ART1: variants seen among roughly 807,000 people sequenced by gnomAD.
ART1 encodes the protein GPI-linked NAD(P)(+)--arginine ADP-ribosyltransferase 1.
In ART1, 29 loss-of-function variants were observed where a neutral mutation model predicts 27.0. The observed-to-expected ratio is 1.08, with a 90% CI of 0.80 to 1.47. The LOEUF is 1.47. Among genes scored for constraint, ART1 ranks in the 40% most tolerant of loss-of-function variants. The pLI, the probability that ART1 is intolerant of heterozygous loss-of-function variation, is 0.00. For synonymous variants in ART1, 201 were observed against 172.2 expected (o/e 1.17, Z -1.31); for missense variants, 480 against 423.0 (o/e 1.13, Z -1.18).
At chr11:3,655,130 G>C (rs1030701195) in intron 1 of ART1, among the ~76,000 whole-genome samples, 1 of 152,172 alleles carries the variant, frequency 6.6e-6, no homozygotes, top group Non-Finnish European at 1.5e-5. Flanking sequence ...GCTCAGCTGG[G>C]GTCTTCCTTG....
chr11:3,659,486 C>CT (rs879467858), intron 2 of ART1, 97 bp from the exon 3 acceptor site: 23 of 1,446,882 alleles, frequency 1.6e-5, no homozygotes, highest in Admixed American at 6.6e-5. Flanking sequence ...GTTTGGGGCC[C>CT]TTCCTGCCTT....
intron 1 of ART1, among the ~76,000 whole-genome samples, chr11:3,657,696 G>A (rs1187218184): frequency 6.6e-6 from 1 of 152,186 alleles, no homozygotes; most frequent in Non-Finnish European, 1.5e-5. Context: ...ATTGTTGGTG[G>A]GGTGGCAGTT....
rs565595628 is a variant in ART1 at position 3,652,134 on chromosome 11, TG to T, written c.-53+6956del. ...TCCCTACACATCAAGCTCGAGGATT[TG>T]CCCCCACCCAGGACGGGCAAATTAG... On this transcript the variant is annotated intron_variant, in intron 1 of 4. Transcript: ENST00000250693. Among the ~76,000 whole-genome samples, 1,154 of 150,718 alleles carry T rather than the reference TG, an allele frequency of 7.7e-3. 9 individuals are homozygous for T. The highest frequency in any genetic ancestry group is 0.015 in the Admixed American group (228 of 15,200).
rs770182602 is a variant in ART1, at chr11:3,660,237, G to A, written c.718G>A (p.Glu240Lys). ...CTACTCCTTCTTCCCTGGAGAGGAA[G>A]AGGTGCTGATCCCCCCCTTTGAGAC... is the stretch of plus-strand genomic sequence containing the variant. ...KGYSFFPGEE[E>K]VLIPPFETFQ... Residue 240 changes from glutamate to lysine, a missense_variant, in exon 3 of 5, where the codon GAG (glutamate) becomes AAG (lysine). Transcript: ENST00000250693. 5.6e-6 allele frequency: 9 copies of A among 1,613,792 alleles called. No homozygotes were observed. The highest frequency in any genetic ancestry group is 7.6e-6 in the Non-Finnish European group (9 of 1,180,054).
intron 1 of ART1, among the ~76,000 whole-genome samples, chr11:3,650,271 C>T (rs891579610): frequency 5.9e-5 from 9 of 152,290 alleles, no homozygotes; most frequent in Non-Finnish European, 1.2e-4. Context: ...CCTCCTAAGC[C>T]GTATCCCATC....
rs78903199 is a variant in ART1, at chr11:3,655,238, C to G, written c.-52-3924C>G. Among the ~76,000 whole-genome samples, 698 of 152,240 alleles carry G rather than the reference C, an allele frequency of 4.6e-3. 5 individuals are homozygous for G. Among genetic ancestry groups the G allele is most frequent in the Middle Eastern group, 0.027 (8 of 294 alleles). On this transcript the variant is annotated intron_variant, in intron 1 of 4. Transcript: ENST00000250693. ...GAAAAGACTCTCAGTTTCCTTCCCCCAAAAGCAGACCCACAGACAAGTACA... is the reference window on the plus strand; with the variant it reads ...GAAAAGACTCTCAGTTTCCTTCCCCGAAAAGCAGACCCACAGACAAGTACA...
At chr11:3,655,032 A>T (rs1264076154) in intron 1 of ART1, among the ~76,000 whole-genome samples, 1 of 152,102 alleles carries the variant, frequency 6.6e-6, no homozygotes, top group Admixed American at 6.6e-5. Context: ...ACAAACATTT[A>T]CTCCCAGGCT....
rs1397587297 is a variant in ART1 at position 3,659,608 on chromosome 11, G to A, written c.89G>A (p.Arg30Gln). Reference protein sequence around the residue: ...LQAQSHPITRRDLFSQEIQLD... With the variant: ...LQAQSHPITRQDLFSQEIQLD... ...GCCCAGAGCCACCCCATCACACGAC[G>A]AGACCTCTTCTCTCAAGAGATTCAG... Residue 30 changes from arginine (R) to glutamine (Q), a missense_variant, in exon 3 of 5, where the codon CGA becomes CAA. Transcript: ENST00000250693. The A allele has an allele frequency of 1.7e-5, 28 of 1,609,046 alleles. No individual in the cohort carries two copies. Among genetic ancestry groups the A allele is most frequent in the Non-Finnish European group, 2.3e-5 (27 of 1,178,400 alleles).
Position 3,659,790 on chromosome 11 carries a change from G to A in ART1, c.271G>A (p.Ala91Thr). Residue 91 changes from alanine (A) to threonine (T), a missense_variant, in exon 3 of 5, where the codon GCC (alanine) becomes ACC (threonine). Ala to Thr is a moderately conservative substitution (Grantham distance 58, BLOSUM62 0). Coordinates refer to ENST00000250693, the MANE Select transcript of ART1 (RefSeq NM_004314.3). ...LASSQWQERQ[A>T]RWPEWSLSPT... The stretch of plus-strand genomic sequence containing the variant: ...AAGCAGCCAATGGCAGGAGCGTCAG[G>A]CCAGGTGGCCAGAGTGGAGTCTCAG... 1 of 1,613,038 alleles carries A rather than the reference G, an allele frequency of 6.2e-7. No homozygotes were observed. Among genetic ancestry groups the A allele is most frequent in the African/African-American group, 1.3e-5 (1 of 75,058 alleles).
In ART1 at chr11:3,660,155, G is replaced by T. The variant is rs759834685; in HGVS notation, c.636G>T (p.Gln212His). Reference sequence around the variant, plus strand: ...CCCTGAAGCATGTTGCAGCCCAGCAGTTTGGTGAGGACACCTTCTTCGGCA... The same window carrying T: ...CCCTGAAGCATGTTGCAGCCCAGCATTTTGGTGAGGACACCTTCTTCGGCA... ...SASLKHVAAQ[Q>H]FGEDTFFGIW... Residue 212 changes from glutamine to histidine, a missense_variant, in exon 3 of 5, where the codon CAG (glutamine) becomes CAT (histidine). Coordinates refer to ENST00000250693, the MANE Select transcript of ART1 (RefSeq NM_004314.3). 1 of 1,614,022 alleles carries T rather than the reference G, an allele frequency of 6.2e-7. No homozygotes were observed. The highest frequency in any genetic ancestry group is 2.2e-5 in the East Asian group (1 of 44,866).
Position 3,659,750 on chromosome 11 carries a change from C to T in ART1, c.231C>T (p.Asp77=), listed in dbSNP as rs143825729. 1.1e-4 allele frequency: 180 copies of T among 1,613,878 alleles called. 2 individuals carry two copies. The African/African-American group carries it at 2.3e-3, about 20-fold the overall frequency. Residue 77 remains aspartate, a synonymous_variant, in exon 3 of 5, where the codon GAC becomes GAT. Transcript: ENST00000250693. ...TCCAGGCCAACCAGGTGTATGCAGACAGCTGGACACTGGCAAGCAGCCAAT... is the reference window on the plus strand; with the variant it reads ...TCCAGGCCAACCAGGTGTATGCAGATAGCTGGACACTGGCAAGCAGCCAAT... ...TEFQANQVYA[D]SWTLASSQWQ... is the part of the protein sequence containing the mutation.
At chr11:3,661,493 T>C in intron 4 of ART1, 80 bp downstream of exon 4, 1 of 789,540 alleles carries the variant, frequency 1.3e-6, no homozygotes, top group African/African-American at 2.9e-5. Context: ...CCTCGATCTT[T>C]TTTTTTTTTT....
At chr11:3,656,516 G>A (rs1038453882) in intron 1 of ART1, among the ~76,000 whole-genome samples, 2 of 152,032 alleles carry the variant, frequency 1.3e-5, no homozygotes, top group African/African-American at 4.8e-5. Flanking sequence ...CCGAGTAGCT[G>A]GGATTATAGG....
chr11:3,662,876 A>C (rs2077630052), intron 4 of ART1, among the ~76,000 whole-genome samples: 1 of 152,156 alleles, frequency 6.6e-6, no homozygotes, highest in Non-Finnish European at 1.5e-5. Flanking sequence ...AAAAAAAATC[A>C]AAGGTGCAGA....
intron 4 of ART1, 104 bp from the exon 5 acceptor site, chr11:3,663,988 C>A (rs2077641850): frequency 9.6e-7 from 1 of 1,039,822 alleles, no homozygotes; most frequent in Non-Finnish European, 1.4e-6. Context: ...CTCTGCCAAT[C>A]TCTCCACCTT....
chr11:3,661,379 G>A lies in ART1; in HGVS notation c.852G>A (p.Lys284=), dbSNP rs763739752. 1.9e-6 allele frequency: 3 copies of A among 1,603,604 alleles called. No individual in the cohort carries two copies. The highest frequency in any genetic ancestry group is 1.3e-5 in the African/African-American group (1 of 74,856). The change falls in exon 4 of 5, where the codon AAG becomes AAA. Residue 284 remains lysine, a synonymous_variant. Coordinates refer to ENST00000250693, the MANE Select transcript of ART1 (RefSeq NM_004314.3). Reference sequence around the variant, plus strand: ...ACTGTTTCTTTTCTATAGACAAGAAGTGCAAGTCTGGGCCTTGCCATCTGG... The same window carrying A: ...ACTGTTTCTTTTCTATAGACAAGAAATGCAAGTCTGGGCCTTGCCATCTGG... ...TYNCEYIKDK[K]CKSGPCHLDN... is the part of the protein sequence containing the mutation.
At chr11:3,647,383 C>T (rs2077477643) in intron 1 of ART1, among the ~76,000 whole-genome samples, 1 of 150,880 alleles carries the variant, frequency 6.6e-6, no homozygotes, top group South Asian at 2.1e-4. Flanking sequence ...GGCCTATAAT[C>T]CCAGCACTTT....
At chr11:3,651,446 C>CTA (rs200623498) in intron 1 of ART1, among the ~76,000 whole-genome samples, 102,087 of 131,962 alleles carry the variant, frequency 0.77, 40,278 homozygotes, top group Admixed American at 0.88. Context: ...TCAATCCCTT[C>CTA]CAAAACAACT....
intron 1 of ART1, among the ~76,000 whole-genome samples, chr11:3,649,762 G>A (rs2133948301): frequency 6.6e-6 from 1 of 152,320 alleles, no homozygotes; most frequent in South Asian, 2.1e-4. Flanking sequence ...TAAAGGCGTA[G>A]TCAAGGTTAA....
Sources: gnomAD v4.1 joint callset for allele counts (sites outside exome capture counted in the v4.1 genomes callset) on GRCh38, gnomAD v4.1.1 for gene constraint, MANE v1.5 for transcripts, NCBI Gene and HGNC (gene_info 2026-07-23, HGNC 2026-07-21) for gene names.